The following MTUS2 variants were observed in gnomAD, a reference collection of about 807,000 sequenced individuals.
The protein encoded by MTUS2 is microtubule-associated tumor suppressor candidate 2.
A neutral mutation model predicts 114.1 loss-of-function variants in MTUS2; 40 were observed. That is an observed-to-expected ratio of 0.35 (90% CI 0.27 to 0.46). The LOEUF (loss-of-function observed/expected upper bound fraction) is 0.46, where lower values mean the gene tolerates loss of function less well. Ranked by LOEUF, MTUS2 falls within the 20% of genes least tolerant of loss-of-function variation. The probability of loss-of-function intolerance (pLI) is 1.00; values close to 1 mark genes in which losing one functional copy is unlikely to be tolerated. For synonymous variants in MTUS2, 688 were observed against 672.0 expected (o/e 1.02, Z -0.37); for missense variants, 1,679 against 1,705.4 (o/e 0.98, Z 0.27).
At chr13:29,169,626 T>C (rs541370996) in intron 5 of MTUS2, among the ~76,000 whole-genome samples, 1 of 152,354 alleles carries the variant, frequency 6.6e-6, no homozygotes. Flanking sequence ...TACATATAAA[T>C]AGAATGCCAT....
At chr13:29,441,339 G>A (rs1452805094) in intron 9 of MTUS2, among the ~76,000 whole-genome samples, 2 of 152,280 alleles carry the variant, frequency 1.3e-5, no homozygotes, top group African/African-American at 2.4e-5. Context: ...GGAGCGGGAG[G>A]GGAGAAAGTG....
intron 2 of MTUS2, among the ~76,000 whole-genome samples, chr13:28,997,238 G>T (rs1301934939): frequency 3.9e-5 from 6 of 152,196 alleles, no homozygotes; most frequent in Non-Finnish European, 7.3e-5. Flanking sequence ...GTTCTAGTTT[G>T]ATTGCACTGT....
At chr13:29,305,227 A>G (rs4313673) in intron 6 of MTUS2, among the ~76,000 whole-genome samples, 151,176 of 152,250 alleles carry the variant, frequency 0.99, 75,062 homozygotes, top group Middle Eastern at 1. Context: ...AATAATAGAA[A>G]TAGAGAACCA....
At position 29,323,496 on chromosome 13, in the gene MTUS2, T is replaced by C. The variant is rs370439488; in HGVS notation, c.2807-1117T>C. Among the ~76,000 whole-genome samples, 555 of 152,270 alleles carry C rather than the reference T, an allele frequency of 3.6e-3. 3 individuals are homozygous for C. Among genetic ancestry groups the C allele is most frequent in the African/African-American group, 0.012 (500 of 41,566 alleles). On this transcript the variant is annotated intron_variant, in intron 6 of 15. Coordinates refer to ENST00000612955, the MANE Select transcript of MTUS2 (RefSeq NM_001033602.4). The stretch of plus-strand genomic sequence containing the variant: ...CGATCTCCTGACCTCGTGATCCGCC[T>C]GCCTCGGCCTCCCAAAGTGCTGGGA...
intron 4 of MTUS2, among the ~76,000 whole-genome samples, chr13:29,074,095 A>G (rs9550437): frequency 0.37 from 55,726 of 151,908 alleles, 10,929 homozygotes; most frequent in East Asian, 0.63. Context: ...CATCTTCCAC[A>G]TAGCAAATCA....
At chr13:29,463,765 G>A (rs1474298692) in intron 9 of MTUS2, among the ~76,000 whole-genome samples, 1 of 152,156 alleles carries the variant, frequency 6.6e-6, no homozygotes, top group Non-Finnish European at 1.5e-5. Flanking sequence ...TCGGGGGGCC[G>A]AGGCGGGCAT....
chr13:29,371,228 C>CT (rs1341738947), intron 8 of MTUS2, among the ~76,000 whole-genome samples: 1 of 147,748 alleles, frequency 6.8e-6, no homozygotes, highest in Admixed American at 6.7e-5. Flanking sequence ...ACCCCCCCCC[C>CT]CTTTTTTGAG....
intron 2 of MTUS2, among the ~76,000 whole-genome samples, chr13:28,959,600 T>C (rs528472870): frequency 2.0e-5 from 3 of 152,172 alleles, no homozygotes; most frequent in African/African-American, 4.8e-5. Context: ...TGGCAGAAGA[T>C]GAAGGGGAGC....
Position 29,359,289 on chromosome 13 carries a change from C to G in MTUS2, c.2933C>G (p.Ala978Gly). The G allele has an allele frequency of 1.9e-6, 3 of 1,605,130 alleles. No individual in the cohort carries two copies. Among genetic ancestry groups the G allele is most frequent in the South Asian group, 1.1e-5 (1 of 89,452 alleles). ...PGYPKQRTAA[A>G]RNGFPPKPDP... ...TACCCAAAGCAGAGGACTGCGGCAG[C>G]TCGAAATGGGTTTCCGCCCAAGCCG... The change falls in exon 8 of 16, where the codon GCT becomes GGT. Residue 978 changes from alanine to glycine, a missense_variant. Ala to Gly is a moderately conservative substitution (Grantham distance 60). This residue lies in a region of MTUS2 where 822 missense variants were observed against 899.7 expected (regional missense o/e 0.91). Coordinates refer to ENST00000612955, the MANE Select transcript of MTUS2 (RefSeq NM_001033602.4).
At chr13:29,375,404 C>T (rs993206973) in intron 8 of MTUS2, among the ~76,000 whole-genome samples, 1 of 122,148 alleles carries the variant, frequency 8.2e-6, no homozygotes, top group South Asian at 2.9e-4. Context: ...TGGCAAAAAC[C>T]GCAATTACTT....
intron 8 of MTUS2, among the ~76,000 whole-genome samples, chr13:29,378,861 A>C (rs1871962188): frequency 6.6e-6 from 1 of 152,072 alleles, no homozygotes; most frequent in Non-Finnish European, 1.5e-5. Context: ...TCCCCACCCA[A>C]ATCTCATCTT....
At chr13:28,969,240 CTG>C (rs1244566897) in intron 2 of MTUS2, among the ~76,000 whole-genome samples, 5 of 152,032 alleles carry the variant, frequency 3.3e-5, no homozygotes, top group African/African-American at 9.7e-5. Context: ...CATGGTTGAA[CTG>C]TGTTGCCCAA....
At chr13:28,994,752 G>T (rs1413960217) in intron 2 of MTUS2, among the ~76,000 whole-genome samples, 2 of 151,980 alleles carry the variant, frequency 1.3e-5, no homozygotes, top group African/African-American at 4.8e-5. Flanking sequence ...GGGGTTGTTT[G>T]TTTTTTTCTT....
chr13:29,211,182 C>T (rs1477253896), intron 5 of MTUS2, among the ~76,000 whole-genome samples: 1 of 152,012 alleles, frequency 6.6e-6, no homozygotes, highest in Admixed American at 6.5e-5. Context: ...GGTTCTCAGG[C>T]CAATGGAGTT....
chr13:29,463,999 AAAG>A (rs1054364508), intron 9 of MTUS2, among the ~76,000 whole-genome samples: 1 of 129,320 alleles, frequency 7.7e-6, no homozygotes, highest in Non-Finnish European at 1.5e-5. Flanking sequence ...TCTCAAAAGA[AAAG>A]AAAAGAAAAG....
chr13:29,229,316 C>T (rs1384390917), intron 5 of MTUS2, among the ~76,000 whole-genome samples: 1 of 152,110 alleles, frequency 6.6e-6, no homozygotes, highest in Non-Finnish European at 1.5e-5. Flanking sequence ...GTACTTTGTC[C>T]TCAACATTTT....
At chr13:29,444,479 TTTGTC>T (rs1401860353) in intron 9 of MTUS2, among the ~76,000 whole-genome samples, 2 of 152,236 alleles carry the variant, frequency 1.3e-5, no homozygotes, top group Non-Finnish European at 2.9e-5. Flanking sequence ...CAGAATCAGC[TTTGTC>T]TGTGTTCACA....
intron 6 of MTUS2, among the ~76,000 whole-genome samples, chr13:29,298,956 T>C (rs1460178081): frequency 6.6e-6 from 1 of 152,148 alleles, no homozygotes; most frequent in African/African-American, 2.4e-5. Flanking sequence ...TCCCCAAGGC[T>C]GAGTCTAGAT....
At chr13:29,040,736 G>A (rs909583185) in intron 4 of MTUS2, among the ~76,000 whole-genome samples, 13 of 152,026 alleles carry the variant, frequency 8.6e-5, no homozygotes, top group African/African-American at 2.9e-4. Flanking sequence ...TTTTTCATAT[G>A]TTTGTTGGCT....
Sources: allele counts gnomAD v4.1 joint callset (sites outside exome capture counted in the v4.1 genomes callset), GRCh38; gene constraint gnomAD v4.1.1; regional missense constraint gnomAD v4.1.1; transcripts MANE v1.5; gene names NCBI Gene and HGNC (gene_info 2026-07-23, HGNC 2026-07-21).